Variants in LINGO2 observed in about 807,000 individuals in gnomAD.
The protein encoded by LINGO2 is leucine-rich repeat and immunoglobulin-like domain-containing nogo receptor-interacting protein 2.
LINGO2 carries 14 observed loss-of-function variants against 30.6 expected under a neutral mutation model. That is an observed-to-expected ratio of 0.46 (90% CI 0.30 to 0.72). The LOEUF (loss-of-function observed/expected upper bound fraction) is 0.72. Ranked by LOEUF, LINGO2 falls within the 30% of genes least tolerant of loss-of-function variation. The pLI is 0.07. For synonymous variants in LINGO2, 317 were observed against 288.5 expected, an observed-to-expected ratio of 1.10 and a Z score of -1.00; for missense variants, 729 against 751.7, an observed-to-expected ratio of 0.97 and a Z score of 0.35.
At chr9:29,023,260 G>A in the LINGO2 span, among the ~76,000 whole-genome samples, 30 of 152,140 alleles carry the variant, frequency 2.0e-4, no homozygotes, top group South Asian at 6.2e-3. Flanking sequence ...TTTCCAAAAT[G>A]AGTTTTTGGA....
intron 2 of LINGO2, among the ~76,000 whole-genome samples, chr9:28,437,758 G>C (rs1186892145): frequency 6.6e-6 from 1 of 152,120 alleles, no homozygotes; most frequent in East Asian, 1.9e-4. Context: ...TAGAAAGATA[G>C]AGAACAATGA....
chr9:28,899,057 T>C, the LINGO2 span, among the ~76,000 whole-genome samples: 4 of 67,614 alleles, frequency 5.9e-5, no homozygotes, highest in Non-Finnish European at 1.5e-4. Context: ...CAACTATTGT[T>C]TCACAAAAAT....
chr9:28,030,404 A>G (rs1222279885), intron 4 of LINGO2, among the ~76,000 whole-genome samples: 1 of 152,226 alleles, frequency 6.6e-6, no homozygotes, highest in East Asian at 1.9e-4. Context: ...ACTCATTGGT[A>G]TTTATGCAAT....
At chr9:28,795,307 C>T in the LINGO2 span, among the ~76,000 whole-genome samples, 2 of 152,204 alleles carry the variant, frequency 1.3e-5, no homozygotes, top group African/African-American at 4.8e-5. Context: ...AAACAAATTC[C>T]TTCAGTCTAA....
chr9:28,097,698 G>GT (rs1826287323), intron 4 of LINGO2, among the ~76,000 whole-genome samples: 1 of 118,752 alleles, frequency 8.4e-6, no homozygotes, highest in Non-Finnish European at 1.7e-5. Flanking sequence ...GGTCGGGGGA[G>GT]GGGGGAGGGA....
chr9:28,385,284 T>G (rs1276700235), intron 2 of LINGO2, among the ~76,000 whole-genome samples: 1 of 152,180 alleles, frequency 6.6e-6, no homozygotes, highest in Non-Finnish European at 1.5e-5. Flanking sequence ...GCTCTGCTCC[T>G]TCTGTAATAT....
intron 4 of LINGO2, chr9:28,149,264 C>A: frequency 1.5e-6 from 1 of 665,550 alleles, no homozygotes; most frequent in Non-Finnish European, 2.5e-6. Context: ...CCCAGGCGGG[C>A]GGATCAGGAG....
intron 4 of LINGO2, among the ~76,000 whole-genome samples, chr9:28,200,615 G>C (rs1415289033): frequency 6.6e-6 from 1 of 152,148 alleles, no homozygotes; most frequent in African/African-American, 2.4e-5. Context: ...TCTCATTATG[G>C]AAGATATTAT....
At chr9:28,520,433 G>C (rs979435411) in intron 1 of LINGO2, among the ~76,000 whole-genome samples, 9 of 151,920 alleles carry the variant, frequency 5.9e-5, no homozygotes, top group African/African-American at 2.2e-4. Context: ...CTTCAGAGGG[G>C]CTTTCTAAAA....
intron 4 of LINGO2, among the ~76,000 whole-genome samples, chr9:28,054,851 T>C (rs996754901): frequency 6.6e-6 from 1 of 152,172 alleles, no homozygotes; most frequent in East Asian, 1.9e-4. Context: ...TAGGTTGTTA[T>C]GCCTTATTTT....
chr9:29,189,117 CG>C, the LINGO2 span, among the ~76,000 whole-genome samples: 1 of 110,060 alleles, frequency 9.1e-6, no homozygotes, highest in Non-Finnish European at 2.1e-5. Flanking sequence ...GCCTCCCTCC[CG>C]GACGGGGCGG....
the LINGO2 span, among the ~76,000 whole-genome samples, chr9:28,781,891 A>G: frequency 6.6e-6 from 1 of 152,170 alleles, no homozygotes; most frequent in African/African-American, 2.4e-5. Flanking sequence ...TTGTGTTTAA[A>G]CTCAATTTAT....
the LINGO2 span, among the ~76,000 whole-genome samples, chr9:29,187,013 G>C: frequency 6.6e-6 from 1 of 152,112 alleles, no homozygotes; most frequent in Non-Finnish European, 1.5e-5. Flanking sequence ...TACAGACAGA[G>C]AAATCATTGT....
intron 1 of LINGO2, among the ~76,000 whole-genome samples, chr9:28,627,797 T>C (rs1826750046): frequency 6.6e-6 from 1 of 152,044 alleles, no homozygotes; most frequent in Non-Finnish European, 1.5e-5. Context: ...CACATAATAA[T>C]CCATTGGTCA....
chr9:27,981,859 C>T (rs1001462351), intron 5 of LINGO2, among the ~76,000 whole-genome samples: 1 of 151,810 alleles, frequency 6.6e-6, no homozygotes, highest in Non-Finnish European at 1.5e-5. Flanking sequence ...TATTTGGATA[C>T]AGTGTTCTCA....
chr9:28,475,682 T>C (rs1825704059), intron 2 of LINGO2, among the ~76,000 whole-genome samples: 1 of 152,134 alleles, frequency 6.6e-6, no homozygotes. Flanking sequence ...CATTTTAAAA[T>C]AGGGAAACGA....
chr9:28,778,782 G>A, the LINGO2 span, among the ~76,000 whole-genome samples: 11 of 152,182 alleles, frequency 7.2e-5, no homozygotes, highest in African/African-American at 1.9e-4. Flanking sequence ...GCTAAAATAG[G>A]AATTTTTCAT....
chr9:29,108,743 G>T, the LINGO2 span, among the ~76,000 whole-genome samples: 1 of 152,300 alleles, frequency 6.6e-6, no homozygotes, highest in African/African-American at 2.4e-5. Flanking sequence ...AATTACATGA[G>T]CTTGACTACA....
At chr9:28,364,041 CT>C (rs1341108341) in intron 3 of LINGO2, among the ~76,000 whole-genome samples, 4 of 151,852 alleles carry the variant, frequency 2.6e-5, no homozygotes, top group African/African-American at 9.7e-5. Context: ...GCTGTTACCC[CT>C]GGTAGTCATG....
Sources: allele counts gnomAD v4.1 joint callset (sites outside exome capture counted in the v4.1 genomes callset), GRCh38; gene constraint gnomAD v4.1.1; transcripts MANE v1.5; gene names NCBI Gene and HGNC (gene_info 2026-07-23, HGNC 2026-07-21).